Variants in SLC8A2 observed in about 807,000 individuals in gnomAD.
SLC8A2 encodes sodium/calcium exchanger 2.
In SLC8A2, 14 loss-of-function variants were observed where a neutral mutation model predicts 70.2. The observed-to-expected ratio is 0.20, with a 90% CI of 0.13 to 0.31. SLC8A2 has a LOEUF of 0.31. SLC8A2 is among the 10% of genes least tolerant of loss of function. The probability of loss-of-function intolerance (pLI) is 1.00; values close to 1 mark genes in which losing one functional copy is unlikely to be tolerated. For missense variants in SLC8A2, 779 were observed against 1,320.1 expected (o/e 0.59, Z 6.35); for synonymous variants, 575 against 594.3 (o/e 0.97, Z 0.47).
At chr19:47,450,849 G>C (rs1336975748) in intron 3 of SLC8A2, among the ~76,000 whole-genome samples, 2 of 152,070 alleles carry the variant, frequency 1.3e-5, no homozygotes, top group African/African-American at 4.8e-5. Context: ...CTGTGGTGAG[G>C]ACTGAATTGA....
chr19:47,457,147 C>A lies in SLC8A2; in HGVS notation c.1123G>T (p.Ala375Ser). 4 of 1,541,848 alleles carry A rather than the reference C, an allele frequency of 2.6e-6. No individual in the cohort carries two copies. Among genetic ancestry groups the A allele is most frequent in the Non-Finnish European group, 3.5e-6 (4 of 1,143,798 alleles). ...TCGGCCGGCGCCGCCCTGCGCGAGGCGTCCGCCGCGTGTCTGCGCAGCACG... is the reference window on the plus strand; with the variant it reads ...TCGGCCGGCGCCGCCCTGCGCGAGGAGTCCGCCGCGTGTCTGCGCAGCACG... ...GNVLRRHAAD[A>S]SRRAAPAEGA... Residue 375 changes from alanine to serine, a missense_variant, in exon 3 of 10, where the codon GCC (alanine) becomes TCC (serine). Ala to Ser is a moderately conservative substitution (Grantham distance 99). Coordinates refer to ENST00000236877, the MANE Select transcript of SLC8A2 (RefSeq NM_015063.3).
At chr19:47,431,816 T>C (rs934278476) in intron 9 of SLC8A2, among the ~76,000 whole-genome samples, 1 of 152,084 alleles carries the variant, frequency 6.6e-6, no homozygotes, top group African/African-American at 2.4e-5. Flanking sequence ...AACCCACTGA[T>C]TGGCTTCTCT....
At chr19:47,435,671 C>T (rs1019661423) in intron 8 of SLC8A2, among the ~76,000 whole-genome samples, 3 of 151,936 alleles carry the variant, frequency 2.0e-5, no homozygotes, top group Non-Finnish European at 4.4e-5. Context: ...GCCTCAGCCT[C>T]CTGAGTACCT....
chr19:47,459,673 ATGTG>A (rs748987546), intron 2 of SLC8A2, among the ~76,000 whole-genome samples: 4 of 143,902 alleles, frequency 2.8e-5, no homozygotes, highest in Admixed American at 1.4e-4. Context: ...GTGTGTGTGC[ATGTG>A]TGTGTGTGCA....
intron 8 of SLC8A2, among the ~76,000 whole-genome samples, chr19:47,434,949 C>T (rs1352027418): frequency 6.6e-6 from 1 of 152,192 alleles, no homozygotes; most frequent in African/African-American, 2.4e-5. Context: ...TAGCTTACAC[C>T]TGTAATCCCA....
chr19:47,439,817 C>T (rs1967078768), intron 6 of SLC8A2, among the ~76,000 whole-genome samples: 1 of 152,204 alleles, frequency 6.6e-6, no homozygotes, highest in South Asian at 2.1e-4. Flanking sequence ...GTGCCCACCA[C>T]CATGCCCGGC....
intron 2 of SLC8A2, 52 bp from the exon 3 acceptor site, chr19:47,457,646 C>T (rs762541366): frequency 6.9e-4 from 874 of 1,259,852 alleles, no homozygotes; most frequent in Admixed American, 1.1e-3. Flanking sequence ...TTCTCCCTCC[C>T]CGCCTCTCTG....
At chr19:47,455,176 G>A (rs191301201) in intron 3 of SLC8A2, among the ~76,000 whole-genome samples, 1 of 152,150 alleles carries the variant, frequency 6.6e-6, no homozygotes, top group East Asian at 1.9e-4. Context: ...GAGAAGATGA[G>A]CGAACTGAGT....
At position 47,429,093 on chromosome 19, in the gene SLC8A2, G is replaced by A. The variant is rs1011441257; in HGVS notation, c.*996C>T. 3.4e-5 allele frequency: 5 copies of A among 146,828 alleles called. No individual in the cohort carries two copies. The highest frequency in any genetic ancestry group is 5.1e-5 in the African/African-American group (2 of 39,172). The allele number at this position is 146,828 out of a possible 1,614,324, so 9.1% of individuals were successfully genotyped here. ...CTCTGGGACCCTCGGTCTCCTCTTCGAGGGTCCTGCCCGGATTGGCTGGCA... is the reference window on the plus strand; with the variant it reads ...CTCTGGGACCCTCGGTCTCCTCTTCAAGGGTCCTGCCCGGATTGGCTGGCA... On this transcript the variant is annotated 3_prime_UTR_variant, in exon 10 of 10. Transcript: ENST00000236877.
At chr19:47,438,118 C>T in intron 6 of SLC8A2, 145 bp from the exon 7 acceptor site, 1 of 923,716 alleles carries the variant, frequency 1.1e-6, no homozygotes, top group Non-Finnish European at 1.6e-6. Flanking sequence ...AGCCTCCCAC[C>T]TGACCACCGT....
chr19:47,469,751 A>G (rs1050725485), intron 1 of SLC8A2, among the ~76,000 whole-genome samples: 2 of 152,098 alleles, frequency 1.3e-5, no homozygotes, highest in African/African-American at 4.8e-5. Flanking sequence ...CTGAAACCCA[A>G]TCTGCTTTTA....
Position 47,466,333 on chromosome 19 carries a change from G to A in SLC8A2, c.71C>T (p.Pro24Leu). The A allele has an allele frequency of 6.8e-7, 1 of 1,468,230 alleles. No homozygotes were observed. The highest frequency in any genetic ancestry group is 9.0e-7 in the Non-Finnish European group (1 of 1,107,812). 91.0% of individuals were successfully genotyped at this position (1,468,230 alleles called of 1,614,324 possible). ...AAPPCSGAAT[P>L]TPSLPPPPAN... ...CGGGGGAGGCGGCAGGGAGGGGGTT[G>A]GGGTGGCTGCCCCGGAGCATGGGGG... Residue 24 changes from proline to leucine, a missense_variant, in exon 2 of 10, where the codon CCA becomes CTA. Physicochemically the swap from Pro to Leu is moderately conservative, Grantham distance 98 (BLOSUM62 -3). Transcript: ENST00000236877. This position sits in a 1 kb window ranked among gnomAD's most constrained non-coding sequence, Gnocchi z 6.9.
At chr19:47,436,493 G>C (rs942549048) in intron 8 of SLC8A2, among the ~76,000 whole-genome samples, 1 of 152,204 alleles carries the variant, frequency 6.6e-6, no homozygotes, top group Non-Finnish European at 1.5e-5. Context: ...AAACAGTCTG[G>C]TGTTTCTAGG....
At chr19:47,444,810 G>A (rs1000462680) in intron 4 of SLC8A2, among the ~76,000 whole-genome samples, 8 of 152,150 alleles carry the variant, frequency 5.3e-5, no homozygotes, top group Non-Finnish European at 1.0e-4. Context: ...AAAGGAAGCA[G>A]ATTTCCTCCC....
chr19:47,466,171 G>A lies in SLC8A2; in HGVS notation c.233C>T (p.Ala78Val). ...KAARAVVYFVAMVYMFLGVSI... is the reference protein window; with the variant it reads ...KAARAVVYFVVMVYMFLGVSI... Reference sequence around the variant, plus strand: ...CACTCCCAGAAACATGTAGACCATGGCCACAAAGTACACCACTGCCCGTGC... The same window carrying A: ...CACTCCCAGAAACATGTAGACCATGACCACAAAGTACACCACTGCCCGTGC... The change falls in exon 2 of 10, where the codon GCC becomes GTC. Residue 78 changes from alanine (A) to valine (V), a missense_variant. Transcript: ENST00000236877. This position sits in a 1 kb window ranked among gnomAD's most constrained non-coding sequence, Gnocchi z 6.9. 1 of 1,614,198 alleles carries A rather than the reference G, an allele frequency of 6.2e-7. No homozygotes were observed. Among genetic ancestry groups the A allele is most frequent in the Non-Finnish European group, 8.5e-7 (1 of 1,180,024 alleles).
rs762415532 is a variant in SLC8A2 at position 47,430,051 on chromosome 19, C to T, written c.*38G>A. 74 of 1,546,936 alleles carry T rather than the reference C, an allele frequency of 4.8e-5. No individual in the cohort carries two copies. The Middle Eastern group carries it at 1.4e-3, about 28-fold the overall frequency. On this transcript the variant is annotated 3_prime_UTR_variant, in exon 10 of 10. Transcript: ENST00000236877. This position sits in a 1 kb window ranked among gnomAD's most constrained non-coding sequence, Gnocchi z 5.9. ...GAGCAGGTGCAGCCGAGTCCCTAGC[C>T]CCGGGCGGGCGGTGGGGACGAGTCT...
chr19:47,457,998 G>C (rs1967336461), intron 2 of SLC8A2, among the ~76,000 whole-genome samples: 1 of 151,968 alleles, frequency 6.6e-6, no homozygotes, highest in African/African-American at 2.4e-5. Flanking sequence ...TTACAGGCAT[G>C]CGCCACCATG....
chr19:47,469,119 C>CGTGTGT (rs10670696), intron 1 of SLC8A2, among the ~76,000 whole-genome samples: 2,255 of 143,220 alleles, frequency 0.016, 18 homozygotes, highest in Non-Finnish European at 0.02. Flanking sequence ...TGCCTGTGTG[C>CGTGTGT]GTGTGTGTGT....
intron 6 of SLC8A2, among the ~76,000 whole-genome samples, chr19:47,438,453 T>G (rs1967059105): frequency 6.6e-6 from 1 of 152,106 alleles, no homozygotes; most frequent in African/African-American, 2.4e-5. Flanking sequence ...GGTCTCTACA[T>G]CCAGTTTCTG....
Sources: allele counts gnomAD v4.1 joint callset (sites outside exome capture counted in the v4.1 genomes callset), GRCh38; gene constraint gnomAD v4.1.1; non-coding constraint Gnocchi (gnomAD v3.1); transcripts MANE v1.5; gene names NCBI Gene and HGNC (gene_info 2026-07-23, HGNC 2026-07-21).